CENPK: variants seen among roughly 807,000 people sequenced by gnomAD.
The protein encoded by CENPK is SoxLZ/Sox6-binding protein Solt.
In CENPK, 46 loss-of-function variants were observed where a neutral mutation model predicts 40.9. The observed-to-expected ratio is 1.13, with a 90% CI of 0.89 to 1.44. CENPK has a LOEUF of 1.44. Ranked by LOEUF, CENPK falls within the 40% of genes most tolerant of loss-of-function variation. The probability of loss-of-function intolerance (pLI) is 0.00; values close to 1 mark genes in which losing one functional copy is unlikely to be tolerated. For missense variants in CENPK, 288 were observed against 303.5 expected (o/e 0.95, Z 0.38); for synonymous variants, 107 against 104.4 (o/e 1.02, Z -0.15).
chr5:65,534,050 C>CAAAAAAAAAAAAAAAAAAA (rs60018569), intron 6 of CENPK, among the ~76,000 whole-genome samples: 1 of 90,986 alleles, frequency 1.1e-5, no homozygotes, highest in Non-Finnish European at 2.0e-5. Context: ...ACCGTCTCAA[C>CAAAAAAAAAAAAAAAAAAA]AAAAAAAAAA....
At chr5:65,497,866 T>C in the CENPK span, among the ~76,000 whole-genome samples, 3 of 152,140 alleles carry the variant, frequency 2.0e-5, no homozygotes, top group South Asian at 6.2e-4. Flanking sequence ...CAAGACCCTA[T>C]TTCAAACAAA....
chr5:65,500,407 C>A, the CENPK span, among the ~76,000 whole-genome samples: 1 of 139,886 alleles, frequency 7.1e-6, no homozygotes, highest in Non-Finnish European at 1.5e-5. Flanking sequence ...ATTTGCATTT[C>A]TCTGATGGCC....
At chr5:65,546,927 T>C (rs559284047) in intron 5 of CENPK, among the ~76,000 whole-genome samples, 4 of 152,284 alleles carry the variant, frequency 2.6e-5, no homozygotes, top group Non-Finnish European at 4.4e-5. Flanking sequence ...GAAGTTATTA[T>C]TATAGATATA....
At chr5:65,533,589 C>T (rs1229635791) in intron 6 of CENPK, among the ~76,000 whole-genome samples, 1 of 151,770 alleles carries the variant, frequency 6.6e-6, no homozygotes, top group Non-Finnish European at 1.5e-5. Flanking sequence ...CAAAATAACC[C>T]CCCAAAAAGA....
intron 2 of CENPK, among the ~76,000 whole-genome samples, chr5:65,556,311 A>C (rs1306978655): frequency 6.6e-6 from 1 of 152,062 alleles, no homozygotes; most frequent in Non-Finnish European, 1.5e-5. Flanking sequence ...TATCTCTATA[A>C]AAAAATTTTA....
intron 9 of CENPK, among the ~76,000 whole-genome samples, chr5:65,525,146 G>A (rs1470228705): frequency 6.6e-6 from 1 of 152,010 alleles, no homozygotes; most frequent in South Asian, 2.1e-4. Flanking sequence ...ATCACCTGAG[G>A]TCAGGAGATC....
chr5:65,530,735 C>T (rs79871714), intron 6 of CENPK, among the ~76,000 whole-genome samples: 1 of 151,964 alleles, frequency 6.6e-6, no homozygotes, highest in African/African-American at 2.4e-5. Context: ...ATGGTGAAAC[C>T]CTGTCTCTAT....
chr5:65,513,343 T>C (rs1271540887), downstream of CENPK, among the ~76,000 whole-genome samples: 2 of 152,194 alleles, frequency 1.3e-5, no homozygotes, highest in Non-Finnish European at 2.9e-5. Context: ...ACAAGTACCT[T>C]GCTGGGATTT....
chr5:65,503,971 T>G, the CENPK span, among the ~76,000 whole-genome samples: 1 of 152,010 alleles, frequency 6.6e-6, no homozygotes, highest in Non-Finnish European at 1.5e-5. Context: ...AAAAAATTTT[T>G]TTTTTTAACA....
At chr5:65,554,397 G>C (rs550892378) in intron 3 of CENPK, among the ~76,000 whole-genome samples, 1 of 152,212 alleles carries the variant, frequency 6.6e-6, no homozygotes, top group African/African-American at 2.4e-5. Flanking sequence ...TGATCCCCCA[G>C]CCTCGGCCTC....
intron 5 of CENPK, among the ~76,000 whole-genome samples, chr5:65,546,905 T>G (rs1394415781): frequency 6.6e-6 from 1 of 152,204 alleles, no homozygotes; most frequent in African/African-American, 2.4e-5. Flanking sequence ...ATAGCTCTAG[T>G]ATACTAATAT....
At chr5:65,543,362 T>C (rs1213719721) in intron 5 of CENPK, among the ~76,000 whole-genome samples, 2 of 152,358 alleles carry the variant, frequency 1.3e-5, no homozygotes, top group Middle Eastern at 3.4e-3. Context: ...TCTTCTTTTG[T>C]TCTTCAAACC....
intron 2 of CENPK, among the ~76,000 whole-genome samples, chr5:65,556,302 A>C (rs1750966861): frequency 6.6e-6 from 1 of 152,028 alleles, no homozygotes; most frequent in South Asian, 2.1e-4. Context: ...TAAGACCCCT[A>C]TCTCTATAAA....
the CENPK span, among the ~76,000 whole-genome samples, chr5:65,509,528 T>C: frequency 6.6e-6 from 1 of 152,250 alleles, no homozygotes; most frequent in Non-Finnish European, 1.5e-5. Flanking sequence ...ATTTTGTTTA[T>C]CCATTTATTT....
intron 1 of CENPK, among the ~76,000 whole-genome samples, chr5:65,561,926 G>T (rs1452633381): frequency 6.6e-6 from 1 of 151,764 alleles, no homozygotes; most frequent in Non-Finnish European, 1.5e-5. Context: ...CTGTGTAGAT[G>T]AAAAAGTCTT....
At chr5:65,506,544 G>A in the CENPK span, among the ~76,000 whole-genome samples, 1 of 152,136 alleles carries the variant, frequency 6.6e-6, no homozygotes, top group African/African-American at 2.4e-5. Flanking sequence ...AGCACTTTGG[G>A]AGGCCAAGGC....
chr5:65,554,985 T>C (rs1750747104), intron 2 of CENPK, 39 bp from the exon 3 acceptor site: 2 of 851,864 alleles, frequency 2.3e-6, no homozygotes, highest in Non-Finnish European at 4.0e-6. Context: ...CAGTATTGGT[T>C]GAACACTTAT....
Position 65,528,468 on chromosome 5 carries a change from C to G in CENPK, c.581G>C (p.Ser194Thr), listed in dbSNP as rs781204320. Reference protein sequence around the residue: ...LEDHFPLPDRSVKKKKKNIQE... With the variant: ...LEDHFPLPDRTVKKKKKNIQE... The stretch of plus-strand genomic sequence containing the variant: ...AAAACTTACCTTTTTCTTTTTAACA[C>G]TTCTATCAGGCAGAGGAAAATGGTC... The change falls in exon 9 of 11, where the codon AGT becomes ACT. Residue 194 changes from serine (S) to threonine (T), a missense_variant. Physicochemically the swap from Ser to Thr is moderately conservative, Grantham distance 58. Transcript: ENST00000396679. 3 of 1,594,274 alleles carry G rather than the reference C, an allele frequency of 1.9e-6. No individual in the cohort carries two copies. Among genetic ancestry groups the G allele is most frequent in the Admixed American group, 1.8e-5 (1 of 54,394 alleles).
chr5:65,498,485 C>G, the CENPK span, among the ~76,000 whole-genome samples: 1 of 152,152 alleles, frequency 6.6e-6, no homozygotes, highest in East Asian at 1.9e-4. Flanking sequence ...AATATTTCCT[C>G]TACATCACTG....
Sources: allele counts gnomAD v4.1 joint callset (sites outside exome capture counted in the v4.1 genomes callset), GRCh38; gene constraint gnomAD v4.1.1; transcripts MANE v1.5; gene names NCBI Gene and HGNC (gene_info 2026-07-23, HGNC 2026-07-21).